Variants in BDP1 observed in about 807,000 individuals in gnomAD.
BDP1 encodes transcription factor TFIIIB component B'' homolog.
Under a neutral mutation model 266.6 loss-of-function variants are expected in BDP1, and 169 were observed. That is an observed-to-expected ratio of 0.63 (90% CI 0.56 to 0.72). The LOEUF (loss-of-function observed/expected upper bound fraction) is 0.72, where lower values mean the gene tolerates loss of function less well. Among genes scored for constraint, BDP1 ranks in the 30% least tolerant of loss-of-function variants. The pLI is 0.00. For missense variants in BDP1, 3,015 were observed against 3,053.8 expected, an observed-to-expected ratio of 0.99 and a Z score of 0.30; for synonymous variants, 1,090 against 1,022.4, an observed-to-expected ratio of 1.07 and a Z score of -1.26.
chr5:71,525,092 C>CT (rs1765720760), intron 25 of BDP1, among the ~76,000 whole-genome samples: 1 of 152,234 alleles, frequency 6.6e-6, no homozygotes, highest in Admixed American at 6.5e-5. Flanking sequence ...CTGTTCCCCC[C>CT]TTTCTATTCC....
intron 26 of BDP1, among the ~76,000 whole-genome samples, chr5:71,536,563 C>T (rs1355845490): frequency 3.3e-5 from 5 of 152,108 alleles, no homozygotes; most frequent in Admixed American, 6.6e-5. Context: ...TGGGCCCAGG[C>T]GCGGTGGCTC....
chr5:71,552,570 C>T (rs555573283), intron 34 of BDP1, among the ~76,000 whole-genome samples: 151 of 152,394 alleles, frequency 9.9e-4, no homozygotes, highest in Non-Finnish European at 1.9e-3. Context: ...GCAATCCCGG[C>T]ACGTCGGGAG....
intron 38 of BDP1, among the ~76,000 whole-genome samples, chr5:71,564,081 G>A (rs985195873): frequency 1.3e-5 from 2 of 152,032 alleles, no homozygotes; most frequent in Non-Finnish European, 2.9e-5. Flanking sequence ...CCCTGAGATG[G>A]TTATATAGTT....
intron 32 of BDP1, chr5:71,545,591 A>G (rs1369618201): frequency 9.0e-6 from 2 of 223,212 alleles, no homozygotes; most frequent in Non-Finnish European, 1.7e-5. Context: ...TTGGCCTCCA[A>G]AAGTGTTGGG....
At chr5:71,572,146 C>T (rs920221556), downstream of BDP1, among the ~76,000 whole-genome samples, 5 of 152,284 alleles carry the variant, frequency 3.3e-5, no homozygotes, top group Admixed American at 3.3e-4. Flanking sequence ...GAGCAGCTGA[C>T]CTCTTCTTCC....
Position 71,522,796 on chromosome 5 carries a change from G to C in BDP1, c.5234G>C (p.Arg1745Thr), listed in dbSNP as rs772979594. The change falls in exon 24 of 39, where the codon AGA (arginine) becomes ACA (threonine). Residue 1745 changes from arginine (R) to threonine (T), a missense_variant. Physicochemically the swap from Arg to Thr is moderately conservative, Grantham distance 71. This residue lies in a region of BDP1 where 2,383 missense variants were observed against 2,404.9 expected (regional missense o/e 0.99). Coordinates refer to ENST00000358731, the MANE Select transcript of BDP1 (RefSeq NM_018429.3). ...ELLTSLEVSA[R>T]KDCVGSKESA... ...CTGACATCTCTGGAGGTTTCAGCAA[G>C]AAAAGATTGTGTAGGTTCCAAAGAG... 11 of 1,607,298 alleles carry C rather than the reference G, an allele frequency of 6.8e-6. No individual in the cohort carries two copies. The African/African-American group carries it at 1.5e-4, about 22-fold the overall frequency.
In BDP1 at chr5:71,510,753, G is replaced by A; in HGVS notation, c.3661G>A (p.Gly1221Ser). Residue 1221 changes from glycine (G) to serine (S), a missense_variant, in exon 17 of 39, where the codon GGT (glycine) becomes AGT (serine). Physicochemically the swap from Gly to Ser is moderately conservative, Grantham distance 56 (BLOSUM62 0). Around this residue, in one of 3 missense-constraint regions of BDP1, gnomAD observed 2,383 missense variants for 2,404.9 expected, o/e 0.99. Transcript: ENST00000358731. ...ENGPEEVKPV[G>S]KMETDLKEIR... is the part of the protein sequence containing the mutation. Reference sequence around the variant, plus strand: ...TGGCCCAGAGGAGGTCAAGCCTGTAGGTAAAATGGAGACAGATTTGAAAGA... The same window carrying A: ...TGGCCCAGAGGAGGTCAAGCCTGTAAGTAAAATGGAGACAGATTTGAAAGA... The A allele has an allele frequency of 6.2e-7, 1 of 1,614,094 alleles. No individual in the cohort carries two copies. Among genetic ancestry groups the A allele is most frequent in the Non-Finnish European group, 8.5e-7 (1 of 1,180,022 alleles).
intron 30 of BDP1, 40 bp downstream of exon 30, chr5:71,542,305 A>G: frequency 7.3e-6 from 11 of 1,511,614 alleles, no homozygotes; most frequent in Non-Finnish European, 9.0e-6. Context: ...AATCATTTTG[A>G]CACAAGAAAT....
At position 71,465,620 on chromosome 5, in the gene BDP1, C is replaced by T. The variant is rs931902764; in HGVS notation, c.660-476C>T. The stretch of plus-strand genomic sequence containing the variant: ...TGCTTGGGCCAGGCACGGTGGCTCA[C>T]GCCTGTAATCCCGGCACTTTGGGAG... On this transcript the variant is annotated intron_variant, in intron 4 of 38. Coordinates refer to ENST00000358731, the MANE Select transcript of BDP1 (RefSeq NM_018429.3). 5.3e-5 allele frequency among the ~76,000 whole-genome samples: 8 copies of T among 152,326 alleles called. No homozygotes were observed. In the South Asian group the frequency reaches 8.3e-4, roughly 16 times the overall value.
downstream of BDP1, among the ~76,000 whole-genome samples, chr5:71,570,372 C>T (rs1744227479): frequency 6.6e-6 from 1 of 152,198 alleles, no homozygotes; most frequent in Non-Finnish European, 1.5e-5. Flanking sequence ...CAAAATCCTT[C>T]CTCAGAGGCT....
chr5:71,523,908 G>A, intron 24 of BDP1, 31 bp from the exon 25 acceptor site: 1 of 1,563,860 alleles, frequency 6.4e-7, no homozygotes, highest in African/African-American at 1.4e-5. Flanking sequence ...GCATGCATAT[G>A]ACCTTATTGT....
At chr5:71,550,205 G>A (rs1383086002) in intron 34 of BDP1, among the ~76,000 whole-genome samples, 1 of 152,158 alleles carries the variant, frequency 6.6e-6, no homozygotes, top group Non-Finnish European at 1.5e-5. Flanking sequence ...GGCCAACATG[G>A]CGAAACTCCA....
Position 71,491,047 on chromosome 5 carries a change from C to T in BDP1, c.1556C>T (p.Ser519Phe). Residue 519 changes from serine (S) to phenylalanine (F), a missense_variant, in exon 11 of 39, where the codon TCC (serine) becomes TTC (phenylalanine). Around this residue, in one of 3 missense-constraint regions of BDP1, gnomAD observed 2,383 missense variants for 2,404.9 expected, o/e 0.99. Coordinates refer to ENST00000358731, the MANE Select transcript of BDP1 (RefSeq NM_018429.3). Reference protein sequence around the residue: ...EGECSKEQMLSCTQNIDGIVG... With the variant: ...EGECSKEQMLFCTQNIDGIVG... ...GAATGCAGTAAGGAGCAGATGCTTTCCTGCACACAAAACATAGATGGCATT... is the reference window on the plus strand; with the variant it reads ...GAATGCAGTAAGGAGCAGATGCTTTTCTGCACACAAAACATAGATGGCATT... The T allele has an allele frequency of 1.9e-6, 3 of 1,613,928 alleles. No individual in the cohort carries two copies. The highest frequency in any genetic ancestry group is 2.5e-6 in the Non-Finnish European group (3 of 1,179,860).
chr5:71,525,618 G>A (rs1162144287), intron 25 of BDP1, among the ~76,000 whole-genome samples: 4 of 128,848 alleles, frequency 3.1e-5, no homozygotes, highest in South Asian at 2.9e-4. Context: ...CCCGGACGGG[G>A]CGGCTGGCCG....
At chr5:71,564,327 C>CTGT (rs1743888710) in intron 38 of BDP1, among the ~76,000 whole-genome samples, 1 of 34,344 alleles carries the variant, frequency 2.9e-5, no homozygotes, top group African/African-American at 7.8e-5. Flanking sequence ...ATGGGTCTGT[C>CTGT]TATTATGCAA....
At chr5:71,521,741 A>G (rs1218448822) in intron 22 of BDP1, among the ~76,000 whole-genome samples, 3 of 152,222 alleles carry the variant, frequency 2.0e-5, no homozygotes, top group Non-Finnish European at 2.9e-5. Flanking sequence ...GCAGATACAG[A>G]CGGATTATAT....
intron 1 of BDP1, among the ~76,000 whole-genome samples, chr5:71,457,936 A>C (rs1761299669): frequency 6.6e-6 from 1 of 152,146 alleles, no homozygotes; most frequent in Non-Finnish European, 1.5e-5. Flanking sequence ...CCTAATATGC[A>C]ATTTGGGGTG....
chr5:71,552,319 G>T (rs1327977464), intron 34 of BDP1, among the ~76,000 whole-genome samples: 1 of 142,150 alleles, frequency 7.0e-6, no homozygotes, highest in East Asian at 2.3e-4. Flanking sequence ...GGGAAGAGGC[G>T]CTCCTCACTT....
At chr5:71,463,078 A>G (rs1465540921) in intron 3 of BDP1, among the ~76,000 whole-genome samples, 1 of 152,050 alleles carries the variant, frequency 6.6e-6, no homozygotes, top group Non-Finnish European at 1.5e-5. Context: ...GCACCACTGC[A>G]CTCCAGCCTG....
Sources: allele counts gnomAD v4.1 joint callset (sites outside exome capture counted in the v4.1 genomes callset), GRCh38; gene constraint gnomAD v4.1.1; regional missense constraint gnomAD v4.1.1; transcripts MANE v1.5; gene names NCBI Gene and HGNC (gene_info 2026-07-23, HGNC 2026-07-21).